PLEKHA8: variants seen among roughly 807,000 people sequenced by gnomAD.
PLEKHA8 encodes the protein pleckstrin homology domain-containing family A member 8.
In PLEKHA8, 36 loss-of-function variants were observed where a neutral mutation model predicts 68.2. The observed-to-expected ratio is 0.53, with a 90% confidence interval of 0.40 to 0.70. PLEKHA8 has a LOEUF of 0.70. Ranked by LOEUF, PLEKHA8 falls within the 30% of genes least tolerant of loss-of-function variation. The probability of loss-of-function intolerance (pLI) is 0.00; values close to 1 mark genes in which losing one functional copy is unlikely to be tolerated. For synonymous variants in PLEKHA8, 211 were observed against 216.1 expected (o/e 0.98, Z 0.20); for missense variants, 505 against 615.4 (o/e 0.82, Z 1.90).
chr7:30,034,099 C>T (rs1790877180), intron 1 of PLEKHA8, among the ~76,000 whole-genome samples: 2 of 144,266 alleles, frequency 1.4e-5, no homozygotes, highest in Non-Finnish European at 3.0e-5. Flanking sequence ...ATCTCCGCCT[C>T]CCGAGTTCAA....
intron 9 of PLEKHA8, among the ~76,000 whole-genome samples, chr7:30,055,829 G>C (rs1165869437): frequency 6.6e-6 from 1 of 151,758 alleles, no homozygotes; most frequent in Non-Finnish European, 1.5e-5. Flanking sequence ...GCTAATTTTT[G>C]TATTTTTTGT....
At chr7:30,050,506 T>TA (rs752914669) in intron 6 of PLEKHA8, 32 bp downstream of exon 6, 292 of 1,509,576 alleles carry the variant, frequency 1.9e-4, no homozygotes, top group East Asian at 4.2e-4. Context: ...TGCTAAAAAT[T>TA]AAAAAAAAAT....
At chr7:30,041,720 C>T (rs1222514227) in intron 1 of PLEKHA8, among the ~76,000 whole-genome samples, 1 of 152,148 alleles carries the variant, frequency 6.6e-6, no homozygotes, top group Non-Finnish European at 1.5e-5. Context: ...AAATTTACTG[C>T]AGCTGTGCTT....
intron 1 of PLEKHA8, among the ~76,000 whole-genome samples, chr7:30,036,821 T>C (rs901344143): frequency 6.6e-6 from 1 of 152,174 alleles, no homozygotes; most frequent in Non-Finnish European, 1.5e-5. Flanking sequence ...GCTCAGAAAA[T>C]GCTTTGTGAA....
At chr7:30,123,029 C>A (rs763633504) in intron 13 of PLEKHA8, among the ~76,000 whole-genome samples, 3 of 152,076 alleles carry the variant, frequency 2.0e-5, no homozygotes, top group Non-Finnish European at 4.4e-5. Context: ...GACTTTCCCC[C>A]CCCTAAGCTA....
rs1042014666 is a variant in PLEKHA8, at chr7:30,082,441, C to T, written c.*3654C>T. On this transcript the variant is annotated 3_prime_UTR_variant, in exon 14 of 14. Coordinates refer to ENST00000449726, the MANE Select transcript of PLEKHA8 (RefSeq NM_001197026.2). ...CTGATCAGTGGGGATTCTGTTCCCC[C>T]ACCCCCCAGACTGCAAGAGCTTCTT... is the stretch of plus-strand genomic sequence containing the variant. The T allele has an allele frequency of 2.7e-5, 27 of 985,236 alleles. No individual in the cohort carries two copies. The highest frequency in any genetic ancestry group is 9.6e-6 in the Non-Finnish European group (8 of 829,930). 61.0% of individuals were successfully genotyped at this position (985,236 alleles called of 1,614,324 possible).
intron 9 of PLEKHA8, among the ~76,000 whole-genome samples, chr7:30,059,502 C>T (rs892913492): frequency 6.6e-6 from 1 of 151,910 alleles, no homozygotes; most frequent in African/African-American, 2.4e-5. Context: ...TATCATCTTG[C>T]TACTTATTTT....
Position 30,028,885 on chromosome 7 carries a change from T to A in PLEKHA8, c.40+83T>A, listed in dbSNP as rs80346840. 2.8e-3 allele frequency: 3,468 copies of A among 1,220,256 alleles called. 83 individuals are homozygous for A. The African/African-American group carries it at 0.046, about 16-fold the overall frequency. The allele number at this position is 1,220,256 out of a possible 1,614,324, so 75.6% of individuals were successfully genotyped here. A position where few individuals can be genotyped will look rare whatever the true frequency, so the allele number is the denominator to read the frequency against. On this transcript the variant is annotated intron_variant, in intron 1 of 13. Coordinates refer to ENST00000449726, the MANE Select transcript of PLEKHA8 (RefSeq NM_001197026.2). ...TGGAGGGCGGTGTCTGGACCCGTCT[T>A]AGGGAGGGGGTCACGGCCCTTTCCT...
chr7:30,045,045 C>A, intron 1 of PLEKHA8, 40 bp from the exon 2 acceptor site: 1 of 1,410,354 alleles, frequency 7.1e-7, no homozygotes, highest in Middle Eastern at 1.9e-4. Flanking sequence ...AGTTCATACA[C>A]AGGCAGTAAT....
chr7:30,115,835 CATGTATACACGT>C lies in PLEKHA8; in HGVS notation c.1363-13427_1363-13416del, dbSNP rs1304691474. ...ATGCATGTATACATGCGTGCACATA[CATGTATACACGT>C]ATGCATACATACGTGCACATACATG... is the stretch of plus-strand genomic sequence containing the variant. On this transcript the variant is annotated intron_variant, in intron 13 of 13. Coordinates refer to the PLEKHA8 transcript ENST00000396257. The C allele has an allele frequency of 4.3e-4, 64 of 147,362 alleles. 1 individual carries two copies. The highest frequency in any genetic ancestry group is 1.4e-3 in the African/African-American group (56 of 39,578). The allele number at this position is 147,362 out of a possible 1,614,324, so 9.1% of individuals were successfully genotyped here.
chr7:30,057,762 A>G (rs1211961579), intron 9 of PLEKHA8, among the ~76,000 whole-genome samples: 2 of 152,090 alleles, frequency 1.3e-5, no homozygotes, highest in South Asian at 2.1e-4. Context: ...CTCTTGGCCA[A>G]TTTGGGACTA....
At chr7:30,115,879 C>A (rs368630677) in intron 13 of PLEKHA8, 57 of 143,118 alleles carry the variant, frequency 4.0e-4, no homozygotes, top group Middle Eastern at 7.5e-3. Flanking sequence ...CATGTAGGCA[C>A]GCATACATGC....
In PLEKHA8 at chr7:30,080,399, G is replaced by C. The variant is rs113720869; in HGVS notation, c.*1612G>C. Reference sequence around the variant, plus strand: ...GTTCCAGCATGAGGTAGTTATCCAGGGTAGAAGGTCCTTTGAGGGGCTTGG... The same window carrying C: ...GTTCCAGCATGAGGTAGTTATCCAGCGTAGAAGGTCCTTTGAGGGGCTTGG... On this transcript the variant is annotated 3_prime_UTR_variant, in exon 14 of 14. Coordinates refer to ENST00000449726, the MANE Select transcript of PLEKHA8 (RefSeq NM_001197026.2). 6 of 985,178 alleles carry C rather than the reference G, an allele frequency of 6.1e-6. No individual in the cohort carries two copies. In the African/African-American group the frequency reaches 7.0e-5, roughly 11 times the overall value. The allele number at this position is 985,178 out of a possible 1,614,324, so 61.0% of individuals were successfully genotyped here. A position where few individuals can be genotyped will look rare whatever the true frequency, so the allele number is the denominator to read the frequency against.
intron 13 of PLEKHA8, among the ~76,000 whole-genome samples, chr7:30,122,620 G>A (rs1462754061): frequency 6.6e-6 from 1 of 152,116 alleles, no homozygotes; most frequent in Non-Finnish European, 1.5e-5. Flanking sequence ...CGTTTGTGAT[G>A]GCTCACTCTG....
chr7:30,108,726 A>G (rs920448120), intron 13 of PLEKHA8, among the ~76,000 whole-genome samples: 13 of 152,214 alleles, frequency 8.5e-5, no homozygotes, highest in Non-Finnish European at 1.8e-4. Context: ...GATGCCTGCT[A>G]GGACTTGTTG....
At chr7:30,129,435 C>A in exon 14 of PLEKHA8, 3 of 1,044,830 alleles carry the variant, frequency 2.9e-6, no homozygotes, top group Non-Finnish European at 4.3e-6. Flanking sequence ...AGATCTCATT[C>A]ATGTGAAACA....
Position 30,080,040 on chromosome 7 carries a change from C to T in PLEKHA8, c.*1253C>T, listed in dbSNP as rs192642009. ...AGCCAGCAGGCCTTTGCATTGCATT[C>T]GGGGACCATGACTCTGAATCTGCTT... On this transcript the variant is annotated 3_prime_UTR_variant, in exon 14 of 14. Coordinates refer to ENST00000449726, the MANE Select transcript of PLEKHA8 (RefSeq NM_001197026.2). 2.5e-5 allele frequency: 25 copies of T among 985,078 alleles called. No individual in the cohort carries two copies. Among genetic ancestry groups the T allele is most frequent in the African/African-American group, 1.4e-4 (8 of 57,250 alleles). The allele number at this position is 985,078 out of a possible 1,614,324, so 61.0% of individuals were successfully genotyped here.
downstream of PLEKHA8, among the ~76,000 whole-genome samples, chr7:30,094,746 A>G (rs1243029274): frequency 7.5e-6 from 1 of 133,924 alleles, no homozygotes; most frequent in South Asian, 2.3e-4. Flanking sequence ...TCATTGTTCA[A>G]TTCCCACCTA....
intron 2 of PLEKHA8, among the ~76,000 whole-genome samples, chr7:30,045,911 C>T (rs1469026051): frequency 6.6e-6 from 1 of 152,238 alleles, no homozygotes; most frequent in Non-Finnish European, 1.5e-5. Flanking sequence ...AAGATTCCTT[C>T]TCTATTCTGA....
Sources: gnomAD v4.1 joint callset for allele counts (sites outside exome capture counted in the v4.1 genomes callset) on GRCh38, gnomAD v4.1.1 for gene constraint, MANE v1.5 for transcripts, NCBI Gene and HGNC (gene_info 2026-07-23, HGNC 2026-07-21) for gene names.